KIAA1549L: variants seen among roughly 807,000 people sequenced by gnomAD.
The protein encoded by KIAA1549L is UPF0606 protein KIAA1549L.
Under a neutral mutation model 160.7 loss-of-function variants are expected in KIAA1549L, and 88 were observed. The observed-to-expected ratio is 0.55, with a 90% CI of 0.46 to 0.65. The LOEUF is 0.65. Ranked by LOEUF, KIAA1549L falls within the 30% of genes least tolerant of loss-of-function variation. The probability of loss-of-function intolerance (pLI) is 0.00; values close to 1 mark genes in which losing one functional copy is unlikely to be tolerated. For missense variants in KIAA1549L, 2,258 were observed against 2,437.5 expected (o/e 0.93, Z 1.55); for synonymous variants, 950 against 976.7 (o/e 0.97, Z 0.51).
intron 1 of KIAA1549L, among the ~76,000 whole-genome samples, chr11:33,395,345 T>C (rs1850352215): frequency 6.6e-6 from 1 of 152,216 alleles, no homozygotes; most frequent in South Asian, 2.1e-4. Flanking sequence ...GTGAGTAGGT[T>C]GGGTGCTATC....
At chr11:33,485,201 G>C (rs570894646) in intron 1 of KIAA1549L, among the ~76,000 whole-genome samples, 1 of 152,310 alleles carries the variant, frequency 6.6e-6, no homozygotes, top group East Asian at 1.9e-4. Context: ...GTTGGACCAA[G>C]GGGAGGAAGC....
At chr11:33,660,826 C>T (rs1590459558) in intron 19 of KIAA1549L, 37 bp from the exon 20 acceptor site, 20 of 1,606,374 alleles carry the variant, frequency 1.2e-5, no homozygotes, top group African/African-American at 9.3e-5. Flanking sequence ...TCAGACCAGC[C>T]TCTCTTAACC....
intron 15 of KIAA1549L, among the ~76,000 whole-genome samples, chr11:33,613,531 AAGC>A (rs1412835052): frequency 2.0e-5 from 3 of 152,172 alleles, no homozygotes; most frequent in Non-Finnish European, 4.4e-5. Flanking sequence ...GTGGAAGGAA[AAGC>A]AGAAGCAAAA....
At chr11:33,460,161 A>G (rs1301199101) in intron 1 of KIAA1549L, among the ~76,000 whole-genome samples, 1 of 152,170 alleles carries the variant, frequency 6.6e-6, no homozygotes, top group Non-Finnish European at 1.5e-5. Context: ...GGCCACCTGT[A>G]TCTCTCAAAC....
chr11:33,666,358 G>A (rs182419789), intron 20 of KIAA1549L, among the ~76,000 whole-genome samples: 121 of 152,276 alleles, frequency 7.9e-4, no homozygotes, highest in Admixed American at 1.7e-3. Context: ...CCATCAGTAC[G>A]CCCATACATT....
chr11:33,386,483 C>G (rs886227059), intron 1 of KIAA1549L, among the ~76,000 whole-genome samples: 3 of 151,894 alleles, frequency 2.0e-5, no homozygotes, highest in Non-Finnish European at 4.4e-5. Flanking sequence ...AAGTTCGAAA[C>G]CAGCCTGGCC....
intron 16 of KIAA1549L, among the ~76,000 whole-genome samples, chr11:33,619,959 C>G (rs1850914670): frequency 1.3e-5 from 2 of 152,200 alleles, no homozygotes; most frequent in African/African-American, 4.8e-5. Context: ...AGTTTGGGAA[C>G]TTTTTCACCT....
chr11:33,647,984 C>G (rs1851772898), intron 17 of KIAA1549L, among the ~76,000 whole-genome samples: 1 of 151,800 alleles, frequency 6.6e-6, no homozygotes, highest in East Asian at 1.9e-4. Flanking sequence ...CCAGAACTAA[C>G]CTTTTCTTTT....
intron 1 of KIAA1549L, among the ~76,000 whole-genome samples, chr11:33,523,484 G>A (rs1853543995): frequency 6.6e-6 from 1 of 152,124 alleles, no homozygotes; most frequent in Non-Finnish European, 1.5e-5. Context: ...GAGAATGTCA[G>A]GTTATCTGAA....
chr11:33,659,708 C>T (rs1321016), intron 19 of KIAA1549L, among the ~76,000 whole-genome samples: 6 of 152,148 alleles, frequency 3.9e-5, no homozygotes, highest in East Asian at 3.9e-4. Flanking sequence ...TTTTTCTTGG[C>T]GCTTTAAAAA....
At chr11:33,627,307 G>C (rs1206266320) in intron 16 of KIAA1549L, among the ~76,000 whole-genome samples, 1 of 149,614 alleles carries the variant, frequency 6.7e-6, no homozygotes, top group African/African-American at 2.5e-5. Flanking sequence ...TTTTTCTATT[G>C]ATTGGAATAG....
intron 1 of KIAA1549L, among the ~76,000 whole-genome samples, chr11:33,435,327 A>C (rs972192868): frequency 6.6e-6 from 1 of 152,224 alleles, no homozygotes; most frequent in African/African-American, 2.4e-5. Context: ...GCACCTGAAG[A>C]GGCATGGAAT....
At chr11:33,489,494 A>G (rs1212309504) in intron 1 of KIAA1549L, among the ~76,000 whole-genome samples, 1 of 152,162 alleles carries the variant, frequency 6.6e-6, no homozygotes, top group South Asian at 2.1e-4. Flanking sequence ...ACAAACATTC[A>G]TTTCCTAACA....
intron 1 of KIAA1549L, among the ~76,000 whole-genome samples, chr11:33,428,941 T>C (rs569662166): frequency 6.6e-6 from 1 of 152,304 alleles, no homozygotes; most frequent in Middle Eastern, 3.4e-3. Flanking sequence ...TTCCTATTTC[T>C]CCACCCTAGT....
intron 1 of KIAA1549L, among the ~76,000 whole-genome samples, chr11:33,402,733 G>A (rs971230629): frequency 6.6e-6 from 1 of 152,160 alleles, no homozygotes; most frequent in African/African-American, 2.4e-5. Context: ...TCCCCCGTGG[G>A]AGCAGCTGGA....
At chr11:33,625,421 T>C (rs1851077699) in intron 16 of KIAA1549L, among the ~76,000 whole-genome samples, 1 of 152,218 alleles carries the variant, frequency 6.6e-6, no homozygotes, top group Non-Finnish European at 1.5e-5. Flanking sequence ...CCAGCACCTG[T>C]TGTTTCCTGA....
intron 1 of KIAA1549L, among the ~76,000 whole-genome samples, chr11:33,428,827 C>T (rs184056399): frequency 7.9e-5 from 12 of 152,232 alleles, no homozygotes; most frequent in Admixed American, 3.3e-4. Flanking sequence ...GTAGTGGGAT[C>T]GCTGGGTCAA....
chr11:33,533,838 C>T (rs1022727596), intron 1 of KIAA1549L, among the ~76,000 whole-genome samples: 2 of 152,094 alleles, frequency 1.3e-5, no homozygotes, highest in African/African-American at 4.8e-5. Context: ...AACGTAAATC[C>T]ATCTCTGTTT....
At chr11:33,456,461 G>A (rs1385279836) in intron 1 of KIAA1549L, among the ~76,000 whole-genome samples, 2 of 151,974 alleles carry the variant, frequency 1.3e-5, no homozygotes, top group Non-Finnish European at 2.9e-5. Context: ...CCTAGTCTGG[G>A]GTATGATGGC....
Sources: allele counts gnomAD v4.1 joint callset (sites outside exome capture counted in the v4.1 genomes callset), GRCh38; gene constraint gnomAD v4.1.1; transcripts MANE v1.5; gene names NCBI Gene and HGNC (gene_info 2026-07-23, HGNC 2026-07-21).